Variants in TBC1D19 observed in about 807,000 individuals in gnomAD.
The protein encoded by TBC1D19 is TBC1 domain family, member 19.
In TBC1D19, 60 loss-of-function variants were observed where a neutral mutation model predicts 89.0. That is an observed-to-expected ratio of 0.67 (90% CI 0.55 to 0.84). TBC1D19 has a LOEUF of 0.84. Ranked by LOEUF, TBC1D19 falls within the 40% of genes least tolerant of loss-of-function variation. The pLI is 0.00. For missense variants in TBC1D19, 500 were observed against 610.8 expected (o/e 0.82, Z 1.91); for synonymous variants, 189 against 199.7 (o/e 0.95, Z 0.45).
intron 8 of TBC1D19, 75 bp downstream of exon 8, chr4:26,659,782 G>A: frequency 1.1e-6 from 1 of 876,902 alleles, no homozygotes; most frequent in Non-Finnish European, 1.7e-6. Flanking sequence ...CAGCATGTAT[G>A]TAAAGCAATA....
chr4:26,670,338 C>T (rs1201933682), intron 9 of TBC1D19, among the ~76,000 whole-genome samples: 2 of 151,242 alleles, frequency 1.3e-5, no homozygotes, highest in African/African-American at 2.4e-5. Flanking sequence ...CTACAATAAA[C>T]TAAAAGAATA....
rs1442814346 is a variant in TBC1D19 at position 26,584,177 on chromosome 4, G to T, written c.-17G>T. 2.5e-6 allele frequency: 4 copies of T among 1,604,134 alleles called. No homozygotes were observed. In the African/African-American group the frequency reaches 4.0e-5, roughly 16 times the overall value. ...CGGCGGCCTGTCCCCGCGGCTTGGC[G>T]GGCTAGGGCAGGGGAAATGTTGCAG... On this transcript the variant is annotated 5_prime_UTR_variant, in exon 1 of 21. Transcript: ENST00000264866.
chr4:26,663,990 A>G (rs139785106), intron 8 of TBC1D19, among the ~76,000 whole-genome samples: 1 of 152,338 alleles, frequency 6.6e-6, no homozygotes, highest in African/African-American at 2.4e-5. Context: ...GGAGACAGCT[A>G]GTTAGGACTA....
chr4:26,661,917 C>T (rs1467885614), intron 8 of TBC1D19, among the ~76,000 whole-genome samples: 1 of 152,194 alleles, frequency 6.6e-6, no homozygotes, highest in Non-Finnish European at 1.5e-5. Context: ...GGAATCATTT[C>T]TTGTAATGCA....
chr4:26,745,497 C>CTTTTT lies in TBC1D19; in HGVS notation c.1320-2890_1320-2886dup, dbSNP rs71186486. ...GTGCCATGAGGTTTACAATATACTTCTTTTTTTTTTTTTTTTTTTTTTTTT... is the reference window on the plus strand; with the variant it reads ...GTGCCATGAGGTTTACAATATACTTCTTTTTTTTTTTTTTTTTTTTTTTTTTTTTT... On this transcript the variant is annotated intron_variant, in intron 18 of 20. Transcript: ENST00000264866. Among the ~76,000 whole-genome samples, 111 of 40,602 alleles carry CTTTTT rather than the reference C, an allele frequency of 2.7e-3. 31 individuals carry two copies. Among genetic ancestry groups the CTTTTT allele is most frequent in the African/African-American group, 5.6e-3 (58 of 10,430 alleles). 26.6% of individuals were successfully genotyped at this position (40,602 alleles called of 152,430 possible). A position where few individuals can be genotyped will look rare whatever the true frequency, so the allele number is the denominator to read the frequency against.
intron 15 of TBC1D19, among the ~76,000 whole-genome samples, chr4:26,725,113 G>A (rs1717226545): frequency 6.6e-6 from 1 of 152,156 alleles, no homozygotes; most frequent in Non-Finnish European, 1.5e-5. Context: ...CCTGGTACCA[G>A]CAATCTGCAT....
At chr4:26,803,546 C>T in the TBC1D19 span, among the ~76,000 whole-genome samples, 6 of 152,230 alleles carry the variant, frequency 3.9e-5, no homozygotes, top group South Asian at 2.1e-4. Flanking sequence ...AGTGTCACTT[C>T]GCTGAGCAGA....
the TBC1D19 span, among the ~76,000 whole-genome samples, chr4:26,777,415 G>A: frequency 3.0e-4 from 45 of 151,588 alleles, no homozygotes; most frequent in African/African-American, 1.1e-3. Context: ...GGTTACAGGC[G>A]TGAGCCACCG....
At chr4:26,586,796 T>C (rs1739441619) in intron 1 of TBC1D19, among the ~76,000 whole-genome samples, 1 of 152,224 alleles carries the variant, frequency 6.6e-6, no homozygotes, top group African/African-American at 2.4e-5. Flanking sequence ...TTAATCTATT[T>C]ACCATGTATT....
At chr4:26,817,296 G>A in the TBC1D19 span, among the ~76,000 whole-genome samples, 1 of 152,070 alleles carries the variant, frequency 6.6e-6, no homozygotes, top group Admixed American at 6.6e-5. Flanking sequence ...CACCCCGCCG[G>A]CAGCTTAGGC....
Position 26,755,286 on chromosome 4 carries a change from C to T in TBC1D19, c.*339C>T, listed in dbSNP as rs1202801364. ...GAACTAAAGATACTGTAATAAACTT[C>T]AAGAGGTAATGTAGCTTCTTGGATA... On this transcript the variant is annotated 3_prime_UTR_variant, in exon 21 of 21. Coordinates refer to ENST00000264866, the MANE Select transcript of TBC1D19 (RefSeq NM_018317.4). The T allele has an allele frequency of 6.5e-6, 1 of 152,694 alleles. No individual in the cohort carries two copies. Among genetic ancestry groups the T allele is most frequent in the East Asian group, 1.9e-4 (1 of 5,200 alleles). 9.5% of individuals were successfully genotyped at this position (152,694 alleles called of 1,614,324 possible).
chr4:26,833,327 AG>A, the TBC1D19 span, among the ~76,000 whole-genome samples: 1 of 152,180 alleles, frequency 6.6e-6, no homozygotes, highest in African/African-American at 2.4e-5. Flanking sequence ...AGCTTTATTG[AG>A]GTATAATTTA....
intron 7 of TBC1D19, among the ~76,000 whole-genome samples, chr4:26,643,613 C>G (rs186438369): frequency 6.6e-6 from 1 of 152,162 alleles, no homozygotes; most frequent in East Asian, 1.9e-4. Context: ...ACAAAAAACC[C>G]TTCAAAAAAT....
the TBC1D19 span, among the ~76,000 whole-genome samples, chr4:26,771,430 A>C: frequency 6.6e-6 from 1 of 152,210 alleles, no homozygotes; most frequent in African/African-American, 2.4e-5. Flanking sequence ...ATATGGAAAC[A>C]ACCTAAATGA....
At chr4:26,724,252 T>C (rs187063744) in intron 15 of TBC1D19, among the ~76,000 whole-genome samples, 303 of 152,358 alleles carry the variant, frequency 2.0e-3, no homozygotes, top group African/African-American at 6.9e-3. Context: ...AAGTCTTGTC[T>C]AGTAAGTCCA....
chr4:26,756,599 C>T (rs1719271407), downstream of TBC1D19, among the ~76,000 whole-genome samples: 1 of 152,094 alleles, frequency 6.6e-6, no homozygotes, highest in African/African-American at 2.4e-5. Flanking sequence ...CTCCATTTAC[C>T]TTGCAGGTAG....
At chr4:26,688,064 G>C (rs2109157029) in intron 12 of TBC1D19, among the ~76,000 whole-genome samples, 1 of 152,178 alleles carries the variant, frequency 6.6e-6, no homozygotes, top group African/African-American at 2.4e-5. Flanking sequence ...TTCTTTTTTA[G>C]CTTTAAGCCA....
intron 13 of TBC1D19, among the ~76,000 whole-genome samples, chr4:26,706,155 C>T (rs1255671213): frequency 6.6e-6 from 1 of 152,140 alleles, no homozygotes; most frequent in Non-Finnish European, 1.5e-5. Flanking sequence ...GTGAAGCCAT[C>T]AGGACCAAGG....
In TBC1D19 at chr4:26,735,440, C is replaced by CCT; in HGVS notation, c.1085-14_1085-13dup. 1 of 1,364,152 alleles carries CCT rather than the reference C, an allele frequency of 7.3e-7. No individual in the cohort carries two copies. Among genetic ancestry groups the CCT allele is most frequent in the East Asian group, 2.6e-5 (1 of 37,806 alleles). The allele number at this position is 1,364,152 out of a possible 1,614,324, so 84.5% of individuals were successfully genotyped here. On this transcript the variant is annotated splice_polypyrimidine_tract_variant and intron_variant, in intron 15 of 20. Coordinates refer to ENST00000264866, the MANE Select transcript of TBC1D19 (RefSeq NM_018317.4). ...GCCTACTACTTATTGAAAAGAAATACCTTTTTTTTTTTAGGTGTTATCCCT... is the reference window on the plus strand; with the variant it reads ...GCCTACTACTTATTGAAAAGAAATACCTCTTTTTTTTTTTAGGTGTTATCCCT...
Sources: allele counts gnomAD v4.1 joint callset (sites outside exome capture counted in the v4.1 genomes callset), GRCh38; gene constraint gnomAD v4.1.1; transcripts MANE v1.5; gene names NCBI Gene and HGNC (gene_info 2026-07-23, HGNC 2026-07-21).